The following NFATC2IP variants were observed in gnomAD, a reference collection of about 807,000 sequenced individuals.
NFATC2IP encodes NFATC2-interacting protein.
A neutral mutation model predicts 40.2 loss-of-function variants in NFATC2IP; 25 were observed. The ratio of observed to expected loss-of-function variants is 0.62; its 90% CI spans 0.45 to 0.87. The LOEUF (loss-of-function observed/expected upper bound fraction) is 0.87. Among genes scored for constraint, NFATC2IP ranks in the 40% least tolerant of loss-of-function variants. The probability of loss-of-function intolerance (pLI) is 0.00; values close to 1 mark genes in which losing one functional copy is unlikely to be tolerated. For synonymous variants in NFATC2IP, 241 were observed against 236.3 expected, an observed-to-expected ratio of 1.02 and a Z score of -0.18; for missense variants, 553 against 555.6, an observed-to-expected ratio of 1.00 and a Z score of 0.05.
chr16:28,955,403 T>A (rs1425375885), intron 3 of NFATC2IP, among the ~76,000 whole-genome samples: 1 of 152,082 alleles, frequency 6.6e-6, no homozygotes, highest in African/African-American at 2.4e-5. Context: ...ACTGGACATA[T>A]GGTAAGTGCT....
chr16:28,951,360 C>G lies in NFATC2IP; in HGVS notation c.349C>G (p.Pro117Ala). The change falls in exon 1 of 8, where the codon CCG (proline) becomes GCG (alanine). Residue 117 changes from proline (P) to alanine (A), a missense_variant. By Grantham distance (27) the Pro-to-Ala change is conservative. Transcript: ENST00000320805. ...VRRRRRLVLDPGEAPLVPVYS... is the reference protein window; with the variant it reads ...VRRRRRLVLDAGEAPLVPVYS... ...GCGGCGGCGGCGGCTGGTGCTGGAT[C>G]CGGGGGAGGCGCCGCTGGTTCCGGT... 7.1e-7 allele frequency: 1 copy of G among 1,408,286 alleles called. No individual in the cohort carries two copies. Among genetic ancestry groups the G allele is most frequent in the Non-Finnish European group, 9.2e-7 (1 of 1,083,120 alleles). The allele number at this position is 1,408,286 out of a possible 1,614,324, so 87.2% of individuals were successfully genotyped here. A position where few individuals can be genotyped will look rare whatever the true frequency, so the allele number is the denominator to read the frequency against.
At chr16:28,956,369 C>T in intron 5 of NFATC2IP, 32 bp downstream of exon 5, 4 of 1,569,200 alleles carry the variant, frequency 2.5e-6, no homozygotes, top group South Asian at 1.1e-5. Flanking sequence ...GAGAAGGACC[C>T]AGGAGCTGCT....
intron 7 of NFATC2IP, among the ~76,000 whole-genome samples, chr16:28,963,107 A>G (rs978221975): frequency 2.6e-5 from 4 of 152,128 alleles, no homozygotes; most frequent in African/African-American, 4.8e-5. Flanking sequence ...GCTTGAACCC[A>G]GGAGGCAGAG....
intron 2 of NFATC2IP, among the ~76,000 whole-genome samples, chr16:28,954,170 T>C (rs1183728584): frequency 6.6e-6 from 1 of 152,164 alleles, no homozygotes; most frequent in East Asian, 1.9e-4. Context: ...CATTGCTATA[T>C]GTCCCCGCAG....
chr16:28,962,259 AC>A (rs1032480451), intron 7 of NFATC2IP, among the ~76,000 whole-genome samples: 3 of 152,100 alleles, frequency 2.0e-5, no homozygotes, highest in Non-Finnish European at 4.4e-5. Context: ...GGAGACACTT[AC>A]TTTCATTTAC....
At chr16:28,954,380 A>G (rs576740327) in intron 2 of NFATC2IP, among the ~76,000 whole-genome samples, 185 bp from the exon 3 acceptor site, 4 of 152,248 alleles carry the variant, frequency 2.6e-5, no homozygotes, top group Admixed American at 2.6e-4. Flanking sequence ...AGCTATCTTT[A>G]TACTAAATAG....
intron 7 of NFATC2IP, among the ~76,000 whole-genome samples, chr16:28,959,571 ATTT>A (rs61432973): frequency 0.02 from 2,313 of 114,632 alleles, 71 homozygotes; most frequent in African/African-American, 0.072. Context: ...TGGTGCAGTC[ATTT>A]TTTTTTTTTT....
intron 7 of NFATC2IP, 26 bp downstream of exon 7, chr16:28,959,126 G>A (rs374913676): frequency 3.7e-6 from 5 of 1,363,746 alleles, no homozygotes; most frequent in African/African-American, 1.4e-5. Context: ...GGCTCTCCAC[G>A]CCCCTCACCC....
chr16:28,961,973 G>T (rs1227983708), intron 7 of NFATC2IP, among the ~76,000 whole-genome samples: 1 of 150,208 alleles, frequency 6.7e-6, no homozygotes, highest in African/African-American at 2.4e-5. Flanking sequence ...GTGCGATCTT[G>T]GCTTACCACA....
At chr16:28,952,272 T>A in intron 2 of NFATC2IP, 68 bp downstream of exon 2, 1 of 1,604,902 alleles carries the variant, frequency 6.2e-7, no homozygotes, top group Non-Finnish European at 8.5e-7. Flanking sequence ...CTGGGGTTTA[T>A]ATTCCTGCAG....
chr16:28,956,312 A>T lies in NFATC2IP; in HGVS notation c.821A>T (p.Asp274Val). The T allele has an allele frequency of 6.2e-7, 1 of 1,613,952 alleles. No homozygotes were observed. Among genetic ancestry groups the T allele is most frequent in the East Asian group, 2.2e-5 (1 of 44,872 alleles). The change falls in exon 5 of 8, where the codon GAC becomes GTC. Residue 274 changes from aspartate (D) to valine (V), a missense_variant. By Grantham distance (152) the Asp-to-Val change is radical. Coordinates refer to ENST00000320805, the MANE Select transcript of NFATC2IP (RefSeq NM_032815.4). ...CCACTCAAAATCCGTTGCCGGGCTG[A>T]CCTGGTCAGATTGCCCCTCAGGATG... ...LFPLKIRCRADLVRLPLRMSE... is the reference protein window; with the variant it reads ...LFPLKIRCRAVLVRLPLRMSE...
In NFATC2IP at chr16:28,956,097, C is replaced by A. The variant is rs775476038; in HGVS notation, c.659+39C>A. 9 of 1,612,606 alleles carry A rather than the reference C, an allele frequency of 5.6e-6. No homozygotes were observed. In the East Asian group the frequency reaches 2.0e-4, roughly 36 times the overall value. On this transcript the variant is annotated intron_variant, in intron 4 of 7. Coordinates refer to ENST00000320805, the MANE Select transcript of NFATC2IP (RefSeq NM_032815.4). ...GGGCTCTGGCTGGGATGGAAGAGGGCAATCCGGGAGGGTGGCTGACTCCAG... is the reference window on the plus strand; with the variant it reads ...GGGCTCTGGCTGGGATGGAAGAGGGAAATCCGGGAGGGTGGCTGACTCCAG...
In NFATC2IP at chr16:28,958,713, C is replaced by T; in HGVS notation, c.847-4C>T. ...CCTCTTTTGCTTGTTGTCCCCATCCCTAGTCGGAGCCCCTGCAGAGTGTGG... is the reference window on the plus strand; with the variant it reads ...CCTCTTTTGCTTGTTGTCCCCATCCTTAGTCGGAGCCCCTGCAGAGTGTGG... On this transcript the variant is annotated splice_region_variant and splice_polypyrimidine_tract_variant and intron_variant, in intron 5 of 7. Coordinates refer to ENST00000320805, the MANE Select transcript of NFATC2IP (RefSeq NM_032815.4). 1 of 1,606,214 alleles carries T rather than the reference C, an allele frequency of 6.2e-7. No homozygotes were observed. Among genetic ancestry groups the T allele is most frequent in the Non-Finnish European group, 8.5e-7 (1 of 1,176,788 alleles).
rs1342534929 is a variant in NFATC2IP at position 28,964,683 on chromosome 16, T to G, written c.*820T>G. ...TATTTGTAAAATACCACGTTTCATG[T>G]GTGAATATGTGCTTTTACTGTACAT... On this transcript the variant is annotated 3_prime_UTR_variant, in exon 8 of 8. Transcript: ENST00000320805. The G allele has an allele frequency of 6.6e-6, 1 of 152,356 alleles. No individual in the cohort carries two copies. Among genetic ancestry groups the G allele is most frequent in the Non-Finnish European group, 1.5e-5 (1 of 68,042 alleles). 9.4% of individuals were successfully genotyped at this position (152,356 alleles called of 1,614,324 possible). A position where few individuals can be genotyped will look rare whatever the true frequency, so the allele number is the denominator to read the frequency against.
rs142158761 is a variant in NFATC2IP, at chr16:28,956,165, G to A, written c.674G>A (p.Arg225His). The A allele has an allele frequency of 3.1e-6, 5 of 1,614,014 alleles. No individual in the cohort carries two copies. Among genetic ancestry groups the A allele is most frequent in the Admixed American group, 1.7e-5 (1 of 60,002 alleles). The change falls in exon 5 of 8, where the codon CGC becomes CAC. Residue 225 changes from arginine (R) to histidine (H), a missense_variant. Arg to His is a conservative substitution (Grantham distance 29, BLOSUM62 0). Coordinates refer to ENST00000320805, the MANE Select transcript of NFATC2IP (RefSeq NM_032815.4). ...CTGCACTGCAGTGAGGTGAACAAGC[G>A]CCTCCAGGATCTCCGTTCCTGTCTG... Reference protein sequence around the residue: ...ALKKLSEVNKRLQDLRSCLSP... With the variant: ...ALKKLSEVNKHLQDLRSCLSP...
At chr16:28,951,544 A>C (rs2141637482) in intron 1 of NFATC2IP, 146 bp downstream of exon 1, 3 of 742,954 alleles carry the variant, frequency 4.0e-6, no homozygotes, top group Middle Eastern at 4.3e-4. Flanking sequence ...TGTTGGAGGC[A>C]GGGAGAGGCA....
intron 7 of NFATC2IP, among the ~76,000 whole-genome samples, chr16:28,961,742 T>C (rs2141648018): frequency 6.6e-6 from 1 of 151,540 alleles, no homozygotes; most frequent in East Asian, 2.0e-4. Context: ...CTACTAAAAA[T>C]ACAAAAAATT....
chr16:28,958,189 C>G (rs1371089966), intron 5 of NFATC2IP, among the ~76,000 whole-genome samples: 1 of 151,812 alleles, frequency 6.6e-6, no homozygotes, highest in Non-Finnish European at 1.5e-5. Context: ...GTGGCTCACA[C>G]CTGTTATCCC....
At chr16:28,960,204 A>G (rs891050413) in intron 7 of NFATC2IP, among the ~76,000 whole-genome samples, 2 of 152,170 alleles carry the variant, frequency 1.3e-5, no homozygotes, top group African/African-American at 4.8e-5. Context: ...GCACAACCTC[A>G]TCTCAACTTG....
Sources: gnomAD v4.1 joint callset for allele counts (sites outside exome capture counted in the v4.1 genomes callset) on GRCh38, gnomAD v4.1.1 for gene constraint, MANE v1.5 for transcripts, NCBI Gene and HGNC (gene_info 2026-07-23, HGNC 2026-07-21) for gene names.